MGAT4C: variants seen among roughly 807,000 people sequenced by gnomAD.
The protein encoded by MGAT4C is alpha-1,3-mannosyl-glycoprotein 4-beta-N-acetylglucosaminyltransferase C.
In MGAT4C, 19 loss-of-function variants were observed where a neutral mutation model predicts 40.1. The observed-to-expected ratio is 0.47, with a 90% confidence interval of 0.33 to 0.70. MGAT4C has a LOEUF of 0.70. Ranked by LOEUF, MGAT4C falls within the 30% of genes least tolerant of loss-of-function variation. The pLI, the probability that MGAT4C is intolerant of heterozygous loss-of-function variation, is 0.02. For missense variants in MGAT4C, 491 were observed against 563.2 expected (o/e 0.87, Z 1.30); for synonymous variants, 181 against 187.1 (o/e 0.97, Z 0.27).
In MGAT4C at chr12:86,625,176, TC is replaced by T. The variant is rs1357166120; in HGVS notation, c.-229+102032del. On this transcript the variant is annotated intron_variant, in intron 2 of 7. Coordinates refer to the MGAT4C transcript ENST00000548651. Reference sequence around the variant, plus strand: ...TCTTCCCTCTTTGCTCTCTCTGCTCTCTCTCCTGCCACCTTGTGAAGAAGGT... The same window carrying T: ...TCTTCCCTCTTTGCTCTCTCTGCTCTTCTCCTGCCACCTTGTGAAGAAGGT... 2.0e-5 allele frequency among the ~76,000 whole-genome samples: 3 copies of T among 152,098 alleles called. No individual in the cohort carries two copies. In the East Asian group the frequency reaches 5.8e-4, roughly 29 times the overall value.
chr12:86,594,926 C>A (rs1961474485), intron 2 of MGAT4C, among the ~76,000 whole-genome samples: 2 of 152,132 alleles, frequency 1.3e-5, no homozygotes, highest in South Asian at 4.1e-4. Context: ...AAATCTGTGG[C>A]CTCCTGTAAA....
chr12:85,990,106 A>G (rs1377727173), intron 2 of MGAT4C, among the ~76,000 whole-genome samples: 1 of 152,076 alleles, frequency 6.6e-6, no homozygotes, highest in East Asian at 1.9e-4. Context: ...CTTCTGGGTT[A>G]CAATTGCTTT....
At chr12:86,833,887 T>C (rs1332034748) in intron 1 of MGAT4C, among the ~76,000 whole-genome samples, 2 of 151,876 alleles carry the variant, frequency 1.3e-5, no homozygotes, top group Non-Finnish European at 2.9e-5. Context: ...TGACATTATA[T>C]ATAAATTGAG....
intron 1 of MGAT4C, among the ~76,000 whole-genome samples, chr12:86,193,295 C>G (rs1889731934): frequency 6.6e-6 from 1 of 151,654 alleles, no homozygotes; most frequent in South Asian, 2.1e-4. Context: ...AGCATGCTTC[C>G]TTGTTTTAAT....
At chr12:86,618,977 AAAT>A (rs1468192092) in intron 2 of MGAT4C, among the ~76,000 whole-genome samples, 6 of 152,010 alleles carry the variant, frequency 3.9e-5, no homozygotes, top group African/African-American at 1.2e-4. Flanking sequence ...ATAATTAGAA[AAAT>A]AATAAAAGTA....
At chr12:86,538,907 C>A (rs1959123462) in intron 2 of MGAT4C, among the ~76,000 whole-genome samples, 1 of 152,064 alleles carries the variant, frequency 6.6e-6, no homozygotes, top group Non-Finnish European at 1.5e-5. Context: ...GTGCCTGGCC[C>A]AAAGTGGAAT....
At chr12:86,182,987 A>G (rs1888294150) in intron 1 of MGAT4C, among the ~76,000 whole-genome samples, 1 of 152,156 alleles carries the variant, frequency 6.6e-6, no homozygotes, top group South Asian at 2.1e-4. Flanking sequence ...GATTTGTGCT[A>G]GGGTTATCTC....
chr12:86,655,643 T>C (rs1345598893), intron 2 of MGAT4C, among the ~76,000 whole-genome samples: 1 of 152,132 alleles, frequency 6.6e-6, no homozygotes, highest in African/African-American at 2.4e-5. Flanking sequence ...TAAAAGAATG[T>C]ATGGCTCAGT....
At chr12:86,256,851 G>A (rs989780073), upstream of MGAT4C, among the ~76,000 whole-genome samples, 3 of 152,062 alleles carry the variant, frequency 2.0e-5, no homozygotes, top group Admixed American at 1.3e-4. Flanking sequence ...AAATTATAAT[G>A]TAGTCAATTG....
chr12:86,466,162 T>G lies in MGAT4C; in HGVS notation c.-228-30897A>C, dbSNP rs574363681. 4.0e-5 allele frequency among the ~76,000 whole-genome samples: 6 copies of G among 151,622 alleles called. No individual in the cohort carries two copies. In the South Asian group the frequency reaches 1.2e-3, roughly 32 times the overall value. ...AGGTGGAGGTTGCAGTGAGCAGAGA[T>G]AGCGCCATTGCACTCCAGCCTGGGG... On this transcript the variant is annotated intron_variant, in intron 2 of 7. Transcript: ENST00000548651.
At chr12:86,685,857 CTTGTGATTTTTTTTTTTTT>C (rs1189919426) in intron 2 of MGAT4C, among the ~76,000 whole-genome samples, 6 of 150,074 alleles carry the variant, frequency 4.0e-5, no homozygotes, top group Non-Finnish European at 8.9e-5. Flanking sequence ...TATAGGAATG[CTTGTGATTTTTTTTTTTTT>C]TTTGGAGACA....
At chr12:86,561,584 G>A (rs930487022) in intron 2 of MGAT4C, among the ~76,000 whole-genome samples, 5 of 152,092 alleles carry the variant, frequency 3.3e-5, no homozygotes, top group Admixed American at 3.3e-4. Flanking sequence ...GGGGCTCTCA[G>A]GTCTTCAGAC....
chr12:86,763,750 C>A (rs1330632434), intron 1 of MGAT4C, among the ~76,000 whole-genome samples: 1 of 152,082 alleles, frequency 6.6e-6, no homozygotes, highest in Non-Finnish European at 1.5e-5. Flanking sequence ...TATGGTATAA[C>A]TGCAGAATTC....
intron 1 of MGAT4C, among the ~76,000 whole-genome samples, chr12:86,238,882 C>A (rs1951660411): frequency 6.6e-6 from 1 of 151,788 alleles, no homozygotes; most frequent in Non-Finnish European, 1.5e-5. Flanking sequence ...TCTAGTAGAC[C>A]TCATGGGTTT....
chr12:86,024,611 A>G lies in MGAT4C; in HGVS notation c.-7+25063T>C, dbSNP rs1044985547. Among the ~76,000 whole-genome samples, 16 of 151,872 alleles carry G rather than the reference A, an allele frequency of 1.1e-4. 1 individual carries two copies. Among genetic ancestry groups the G allele is most frequent in the Non-Finnish European group, 7.4e-5 (5 of 67,778 alleles). On this transcript the variant is annotated intron_variant, in intron 2 of 4. Transcript: ENST00000611864. Reference sequence around the variant, plus strand: ...GCCACAAAACTGTACATCATAGTGCATGAATGACAAGTAATTTCAGGTTAA... The same window carrying G: ...GCCACAAAACTGTACATCATAGTGCGTGAATGACAAGTAATTTCAGGTTAA...
chr12:86,256,468 G>C (rs1374155535), upstream of MGAT4C: 2 of 152,108 alleles, frequency 1.3e-5, no homozygotes, highest in Admixed American at 1.3e-4. Flanking sequence ...ACTCTCATTG[G>C]CTTCTGTTAC....
chr12:86,252,527 G>A (rs747433468), intron 1 of MGAT4C, among the ~76,000 whole-genome samples: 24 of 151,866 alleles, frequency 1.6e-4, no homozygotes, highest in Non-Finnish European at 3.2e-4. Flanking sequence ...AAATCACTGA[G>A]TATCTGTAAA....
At chr12:86,743,710 G>A (rs2217237) in intron 1 of MGAT4C, among the ~76,000 whole-genome samples, 65,528 of 151,344 alleles carry the variant, frequency 0.43, 14,432 homozygotes, top group African/African-American at 0.5. Flanking sequence ...GCAAATCAAT[G>A]TCCATCCCAG....
chr12:86,561,219 TA>T (rs1312722450), intron 2 of MGAT4C, among the ~76,000 whole-genome samples: 1 of 151,884 alleles, frequency 6.6e-6, no homozygotes, highest in African/African-American at 2.4e-5. Flanking sequence ...TTATCAGAAA[TA>T]AAAAAAATTA....
Sources: gnomAD v4.1 joint callset for allele counts (sites outside exome capture counted in the v4.1 genomes callset) on GRCh38, gnomAD v4.1.1 for gene constraint, MANE v1.5 for transcripts, NCBI Gene and HGNC (gene_info 2026-07-23, HGNC 2026-07-21) for gene names.